The following HSPE1 variants were observed in gnomAD, a reference collection of about 807,000 sequenced individuals.
HSPE1 encodes the protein 10 kDa heat shock protein, mitochondrial.
HSPE1 carries 1 observed loss-of-function variant against 13.2 expected under a neutral mutation model. The observed-to-expected ratio is 0.08, with a 90% CI of 0.03 to 0.36. HSPE1 has a LOEUF of 0.36. Among genes scored for constraint, HSPE1 ranks in the 10% least tolerant of loss-of-function variants. HSPE1 has a pLI of 0.99. For missense variants in HSPE1, 73 were observed against 118.7 expected, an observed-to-expected ratio of 0.62 and a Z score of 1.79; for synonymous variants, 44 against 42.0, an observed-to-expected ratio of 1.05 and a Z score of -0.19.
chr2:197,501,767 C>CA (rs11371120), intron 2 of HSPE1, among the ~76,000 whole-genome samples: 59,301 of 128,234 alleles, frequency 0.46, 13,370 homozygotes, highest in African/African-American at 0.56. Context: ...GATTCTGTCT[C>CA]AAAAAAAAAA....
rs774772244 is a variant in HSPE1, at chr2:197,502,991, T to C, written c.169-48T>C. 3 of 984,266 alleles carry C rather than the reference T, an allele frequency of 3.0e-6. No homozygotes were observed. In the South Asian group the frequency reaches 4.0e-5, roughly 13 times the overall value. The allele number at this position is 984,266 out of a possible 1,614,324, so 61.0% of individuals were successfully genotyped here. A position where few individuals can be genotyped will look rare whatever the true frequency, so the allele number is the denominator to read the frequency against. ...GTGATTTAAAAGTTAACTGTTTATG[T>C]TGGGTGAACTAGATATCTTTGCTAA... On this transcript the variant is annotated intron_variant, in intron 2 of 3. Coordinates refer to ENST00000233893, the MANE Select transcript of HSPE1 (RefSeq NM_002157.3).
chr2:197,500,518 T>C (rs2086237433), intron 1 of HSPE1, 79 bp downstream of exon 1: 2 of 1,501,262 alleles, frequency 1.3e-6, no homozygotes. Flanking sequence ...CCCTCTTTTG[T>C]TGGGCTGGGC....
chr2:197,502,239 C>A (rs1210084326), intron 2 of HSPE1, among the ~76,000 whole-genome samples: 1 of 152,150 alleles, frequency 6.6e-6, no homozygotes. Flanking sequence ...CCTGATATTT[C>A]TTTTGCAATT....
chr2:197,502,450 T>C (rs935985517), intron 2 of HSPE1, among the ~76,000 whole-genome samples: 1 of 152,202 alleles, frequency 6.6e-6, no homozygotes, highest in Non-Finnish European at 1.5e-5. Context: ...TAATGTTAAC[T>C]GCATTGTTCT....
rs376221518 is a variant in HSPE1, at chr2:197,500,457, C to G, written c.3+18C>G. 1 of 1,593,786 alleles carries G rather than the reference C, an allele frequency of 6.3e-7. No homozygotes were observed. Among genetic ancestry groups the G allele is most frequent in the Non-Finnish European group, 8.5e-7 (1 of 1,169,982 alleles). On this transcript the variant is annotated intron_variant, in intron 1 of 3. Transcript: ENST00000233893. ...GAGTAATGGTGAGTCCCGCGTGGCC[C>G]CGAGGCCTGCAGGCCCGGGCCTGTC...
intron 2 of HSPE1, 55 bp from the exon 3 acceptor site, chr2:197,502,982 CTG>C (rs2106087174): frequency 1.1e-6 from 1 of 882,630 alleles, no homozygotes; most frequent in South Asian, 1.4e-5. Context: ...TAAAAGTTAA[CTG>C]TTTATGTTGG....
intron 1 of HSPE1, chr2:197,500,727 G>C (rs1394990192): frequency 3.4e-6 from 2 of 591,366 alleles, no homozygotes; most frequent in South Asian, 2.1e-5. Flanking sequence ...AATATCTTGG[G>C]TAAAAATCAT....
At chr2:197,502,993 G>C (rs979438552) in intron 2 of HSPE1, 46 bp from the exon 3 acceptor site, 5 of 1,002,822 alleles carry the variant, frequency 5.0e-6, no homozygotes, top group East Asian at 4.8e-5. Flanking sequence ...TGTTTATGTT[G>C]GGTGAACTAG....
chr2:197,501,083 G>A lies in HSPE1; in HGVS notation c.13G>A (p.Ala5Thr). Residue 5 changes from alanine (A) to threonine (T), a missense_variant, in exon 2 of 4, where the codon GCG (alanine) becomes ACG (threonine). Physicochemically the swap from Ala to Thr is moderately conservative, Grantham distance 58 (BLOSUM62 0). Transcript: ENST00000233893. Reference protein sequence around the residue: MAGQAFRKFLPLFDR... With the variant: MAGQTFRKFLPLFDR... ...ATTTCTCTTCCTACAGGCAGGACAA[G>A]CGTTTAGAAAGTTTCTTCCACTCTT... The A allele has an allele frequency of 6.2e-7, 1 of 1,613,212 alleles. No homozygotes were observed. The highest frequency in any genetic ancestry group is 8.5e-7 in the Non-Finnish European group (1 of 1,179,660).
At chr2:197,500,627 C>T in intron 1 of HSPE1, 188 bp downstream of exon 1, 5 of 837,878 alleles carry the variant, frequency 6.0e-6, no homozygotes, top group East Asian at 2.7e-5. Context: ...TTTGCACGCG[C>T]GTGTGCTGCC....
intron 1 of HSPE1, chr2:197,500,694 C>G: frequency 1.6e-6 from 1 of 610,336 alleles, no homozygotes; most frequent in South Asian, 2.0e-5. Flanking sequence ...TCACCTGCTT[C>G]TGCAGGGCCT....
At chr2:197,500,480 G>A (rs1200825073) in intron 1 of HSPE1, 41 bp downstream of exon 1, 2 of 1,575,822 alleles carry the variant, frequency 1.3e-6, no homozygotes, top group Admixed American at 1.8e-5. Context: ...GCCCGGGCCT[G>A]TCTGAGGCGT....
At position 197,500,492 on chromosome 2, in the gene HSPE1, C is replaced by A; in HGVS notation, c.3+53C>A. ...CAGGCCCGGGCCTGTCTGAGGCGTACGGGGATCCCTGACGCCCCTCTTTTG... is the reference window on the plus strand; with the variant it reads ...CAGGCCCGGGCCTGTCTGAGGCGTAAGGGGATCCCTGACGCCCCTCTTTTG... On this transcript the variant is annotated intron_variant, in intron 1 of 3. Transcript: ENST00000233893. 6 of 829,792 alleles carry A rather than the reference C, an allele frequency of 7.2e-6. No individual in the cohort carries two copies. The South Asian group carries it at 8.3e-5, about 11-fold the overall frequency. The allele number at this position is 829,792 out of a possible 1,614,324, so 51.4% of individuals were successfully genotyped here.
rs1174258251 is a variant in HSPE1 at position 197,500,446 on chromosome 2, C to G, written c.3+7C>G. ...TGAGGCGGAGGGAGTAATGGTGAGT[C>G]CCGCGTGGCCCCGAGGCCTGCAGGC... On this transcript the variant is annotated splice_region_variant and intron_variant, in intron 1 of 3. Transcript: ENST00000233893. 1.3e-6 allele frequency: 2 copies of G among 1,599,258 alleles called. No homozygotes were observed. The highest frequency in any genetic ancestry group is 1.7e-6 in the Non-Finnish European group (2 of 1,173,624).
At chr2:197,502,150 G>A (rs920040788) in intron 2 of HSPE1, among the ~76,000 whole-genome samples, 1 of 152,214 alleles carries the variant, frequency 6.6e-6, no homozygotes, top group African/African-American at 2.4e-5. Context: ...CAGAGGAACA[G>A]GTTGGTCAGT....
chr2:197,501,937 ATTCAAAATCAGGAG>A (rs994026903), intron 2 of HSPE1, among the ~76,000 whole-genome samples: 4 of 152,138 alleles, frequency 2.6e-5, no homozygotes, highest in African/African-American at 7.2e-5. Context: ...TGAGCTCAGG[ATTCAAAATCAGGAG>A]TTCAAAATCA....
chr2:197,500,880 A>G (rs2086243990), intron 1 of HSPE1, 194 bp from the exon 2 acceptor site: 2 of 677,408 alleles, frequency 3.0e-6, no homozygotes, highest in South Asian at 4.3e-5. Flanking sequence ...AACGACCCCT[A>G]ACAGACGTAA....
chr2:197,500,869 C>G, intron 1 of HSPE1: 1 of 638,568 alleles, frequency 1.6e-6, no homozygotes, highest in East Asian at 2.8e-5. Context: ...GGAGGAGCGA[C>G]AACGACCCCT....
intron 2 of HSPE1, 157 bp downstream of exon 2, chr2:197,501,395 C>G: frequency 1.2e-6 from 1 of 852,108 alleles, no homozygotes; most frequent in African/African-American, 1.7e-5. Flanking sequence ...AGGGAAATGA[C>G]TAATATAAAG....
Sources: gnomAD v4.1 joint callset for allele counts (sites outside exome capture counted in the v4.1 genomes callset) on GRCh38, gnomAD v4.1.1 for gene constraint, MANE v1.5 for transcripts, NCBI Gene and HGNC (gene_info 2026-07-23, HGNC 2026-07-21) for gene names.